The following CHL1 variants were observed in gnomAD, a reference collection of about 807,000 sequenced individuals.
CHL1 encodes the protein cell adhesion molecule L1 like, also known as neural cell adhesion molecule L1-like protein.
Under a neutral mutation model 141.9 loss-of-function variants are expected in CHL1, and 96 were observed. The ratio of observed to expected loss-of-function variants is 0.68; its 90% CI spans 0.57 to 0.80. The LOEUF (loss-of-function observed/expected upper bound fraction) is 0.80, where lower values mean the gene tolerates loss of function less well. Ranked by LOEUF, CHL1 falls within the 30% of genes least tolerant of loss-of-function variation. The pLI is 0.00. For missense variants in CHL1, 1,820 were observed against 1,457.2 expected (o/e 1.25, Z -4.05); for synonymous variants, 613 against 502.2 (o/e 1.22, Z -2.95).
intron 15 of CHL1, among the ~76,000 whole-genome samples, chr3:369,685 A>G (rs1303917181): frequency 6.6e-6 from 1 of 152,234 alleles, no homozygotes; most frequent in Non-Finnish European, 1.5e-5. Context: ...TAGTTTGCCA[A>G]GGGAATGCTT....
chr3:218,304 A>G (rs1700505322), intron 1 of CHL1, among the ~76,000 whole-genome samples: 1 of 152,212 alleles, frequency 6.6e-6, no homozygotes, highest in Admixed American at 6.5e-5. Flanking sequence ...TACAGCAGTT[A>G]TGTTTTAGAA....
At chr3:302,510 T>C (rs975154046) in intron 2 of CHL1, among the ~76,000 whole-genome samples, 1 of 152,252 alleles carries the variant, frequency 6.6e-6, no homozygotes, top group African/African-American at 2.4e-5. Flanking sequence ...TGATGAGCAT[T>C]TTTTCATATG....
intron 5 of CHL1, among the ~76,000 whole-genome samples, chr3:331,303 G>A (rs553069146): frequency 6.6e-6 from 1 of 152,192 alleles, no homozygotes; most frequent in South Asian, 2.1e-4. Context: ...TGGCTTCATG[G>A]CTCACTGCAG....
intron 1 of CHL1, among the ~76,000 whole-genome samples, chr3:210,213 T>C (rs1448967282): frequency 6.6e-6 from 1 of 152,248 alleles, no homozygotes; most frequent in East Asian, 1.9e-4. Context: ...TTGTGTAAAA[T>C]GTGAAGGCAC....
intron 2 of CHL1, among the ~76,000 whole-genome samples, chr3:277,197 T>A (rs1696219260): frequency 6.6e-6 from 1 of 152,140 alleles, no homozygotes; most frequent in African/African-American, 2.4e-5. Context: ...GCTTATAGAT[T>A]TTTTTTAAAA....
intron 2 of CHL1, among the ~76,000 whole-genome samples, chr3:280,294 G>A (rs1696521317): frequency 6.6e-6 from 1 of 151,810 alleles, no homozygotes; most frequent in East Asian, 1.9e-4. Context: ...ATTTTCAGGA[G>A]ACTGTGGCAC....
intron 5 of CHL1, among the ~76,000 whole-genome samples, chr3:337,460 GC>G (rs1454583780): frequency 3.3e-5 from 5 of 151,972 alleles, no homozygotes; most frequent in East Asian, 3.9e-4. Flanking sequence ...CTGGTGTGCT[GC>G]ACCCATTAAC....
In CHL1 at chr3:328,373, A is replaced by T. The variant is rs1190403446; in HGVS notation, c.385+19A>T. Reference sequence around the variant, plus strand: ...GTTCCAAGTAAGTACTATAACGGGAATTTCATTTTACAAGTGTTTTAGTGA... The same window carrying T: ...GTTCCAAGTAAGTACTATAACGGGATTTTCATTTTACAAGTGTTTTAGTGA... On this transcript the variant is annotated intron_variant, in intron 5 of 27. Coordinates refer to ENST00000256509, the MANE Select transcript of CHL1 (RefSeq NM_006614.4). 7 of 1,575,708 alleles carry T rather than the reference A, an allele frequency of 4.4e-6. No homozygotes were observed. In the Admixed American group the frequency reaches 9.0e-5, roughly 20 times the overall value.
rs545917993 is a variant in CHL1, at chr3:304,063, C to T, written c.-94-15620C>T. 6.6e-5 allele frequency among the ~76,000 whole-genome samples: 10 copies of T among 152,286 alleles called. No individual in the cohort carries two copies. In the South Asian group the frequency reaches 8.3e-4, roughly 13 times the overall value. On this transcript the variant is annotated intron_variant, in intron 2 of 27. Transcript: ENST00000256509. ...CATATGTTGAACCAGCCTTGCATCC[C>T]AGGTACGAAGCCAACTTCGTACCTG... is the stretch of plus-strand genomic sequence containing the variant.
At chr3:363,159 A>G in intron 13 of CHL1, 58 bp from the exon 14 acceptor site, 1 of 1,469,338 alleles carries the variant, frequency 6.8e-7, no homozygotes. Context: ...GACTAGTATT[A>G]AAAAGCGTAT....
At position 407,099 on chromosome 3, in the gene CHL1, G is replaced by C. The variant is rs1257896507; in HGVS notation, c.*1388G>C. Reference sequence around the variant, plus strand: ...TCCTTTTAAAATTGTACATGAACATGTTTTAGAAACAATATGGAGGATGAT... The same window carrying C: ...TCCTTTTAAAATTGTACATGAACATCTTTTAGAAACAATATGGAGGATGAT... On this transcript the variant is annotated 3_prime_UTR_variant, in exon 28 of 28. Coordinates refer to ENST00000256509, the MANE Select transcript of CHL1 (RefSeq NM_006614.4). 39 of 152,070 alleles carry C rather than the reference G, an allele frequency of 2.6e-4. No homozygotes were observed. The highest frequency in any genetic ancestry group is 2.6e-3 in the Admixed American group (39 of 15,242). The allele number at this position is 152,070 out of a possible 1,614,324, so 9.4% of individuals were successfully genotyped here.
rs777816382 is a variant in CHL1 at position 354,798 on chromosome 3, A to C, written c.1165+27A>C. ...TAAGTTTAAAAACCAATTGCAATGC[A>C]ATGCTGAAGGCCCTGGTTTGACGGG... On this transcript the variant is annotated intron_variant, in intron 11 of 27. Coordinates refer to ENST00000256509, the MANE Select transcript of CHL1 (RefSeq NM_006614.4). 136 of 1,611,766 alleles carry C rather than the reference A, an allele frequency of 8.4e-5. 1 individual carries two copies. In the Middle Eastern group the frequency reaches 2.1e-3, roughly 25 times the overall value.
chr3:394,707 G>A lies in CHL1; in HGVS notation c.2929G>A (p.Glu977Lys), dbSNP rs1214842356. 3.1e-6 allele frequency: 5 copies of A among 1,609,590 alleles called. No individual in the cohort carries two copies. The highest frequency in any genetic ancestry group is 1.3e-5 in the African/African-American group (1 of 74,528). Residue 977 changes from glutamate (E) to lysine (K), a missense_variant, in exon 24 of 28, where the codon GAG becomes AAG. By Grantham distance (56) the Glu-to-Lys change is moderately conservative (BLOSUM62 1). Coordinates refer to ENST00000256509, the MANE Select transcript of CHL1 (RefSeq NM_006614.4). ...LQYQIINDTY[E>K]IGELNDINIT... ...TATTTTTTTAGTAAATGACACCTACGAGATTGGAGAATTAAATGATATTAA... is the reference window on the plus strand; with the variant it reads ...TATTTTTTTAGTAAATGACACCTACAAGATTGGAGAATTAAATGATATTAA...
chr3:285,388 A>G (rs1421205910), intron 2 of CHL1, among the ~76,000 whole-genome samples: 1 of 152,250 alleles, frequency 6.6e-6, no homozygotes, highest in Non-Finnish European at 1.5e-5. Flanking sequence ...AGAGGAGCCA[A>G]TGTATATTTT....
intron 8 of CHL1, among the ~76,000 whole-genome samples, chr3:343,867 G>C (rs1702547537): frequency 6.6e-6 from 1 of 152,136 alleles, no homozygotes; most frequent in Non-Finnish European, 1.5e-5. Context: ...ATTGCACATA[G>C]TACATATTCA....
At chr3:244,138 T>C (rs1336212714) in intron 1 of CHL1, among the ~76,000 whole-genome samples, 1 of 152,206 alleles carries the variant, frequency 6.6e-6, no homozygotes, top group Non-Finnish European at 1.5e-5. Context: ...ATGTTCACTC[T>C]GTAGTTCAGA....
At chr3:329,022 G>A (rs1418132895) in intron 5 of CHL1, among the ~76,000 whole-genome samples, 1 of 152,126 alleles carries the variant, frequency 6.6e-6, no homozygotes, top group African/African-American at 2.4e-5. Context: ...TAAAATTTGT[G>A]TAAAACTGCA....
chr3:224,793 C>A (rs1701170628), intron 1 of CHL1, among the ~76,000 whole-genome samples: 1 of 152,154 alleles, frequency 6.6e-6, no homozygotes. Context: ...TCCCTGTTGG[C>A]TACATCAAAT....
Position 365,953 on chromosome 3 carries a change from C to G in CHL1, c.1589C>G (p.Ala530Gly). 1.9e-6 allele frequency: 3 copies of G among 1,611,650 alleles called. No homozygotes were observed. Among genetic ancestry groups the G allele is most frequent in the Non-Finnish European group, 2.5e-6 (3 of 1,178,382 alleles). The change falls in exon 15 of 28, where the codon GCT becomes GGT. Residue 530 changes from alanine to glycine, a missense_variant. Transcript: ENST00000256509. ...TATCTTTGTTTGGTAAAAACAGATG[C>G]TACAAAACTTAGAGTTTCTCCTAAG... ...AVTANLDIRN[A>G]TKLRVSPKNP... is the part of the protein sequence containing the mutation.
Sources: gnomAD v4.1 joint callset for allele counts (sites outside exome capture counted in the v4.1 genomes callset) on GRCh38, gnomAD v4.1.1 for gene constraint, MANE v1.5 for transcripts, NCBI Gene and HGNC (gene_info 2026-07-23, HGNC 2026-07-21) for gene names.